The following CCDC149 variants were observed in gnomAD, a reference collection of about 807,000 sequenced individuals.
The protein encoded by CCDC149 is coiled-coil domain containing 149.
Under a neutral mutation model 59.9 loss-of-function variants are expected in CCDC149, and 45 were observed. The ratio of observed to expected loss-of-function variants is 0.75; its 90% CI spans 0.59 to 0.96. CCDC149 has a LOEUF of 0.96. CCDC149 is among the 40% of genes least tolerant of loss of function. CCDC149 has a pLI of 0.00. For synonymous variants in CCDC149, 245 were observed against 260.6 expected, an observed-to-expected ratio of 0.94 and a Z score of 0.58; for missense variants, 584 against 664.7, an observed-to-expected ratio of 0.88 and a Z score of 1.33.
At chr4:24,910,931 T>G (rs1721835587) in intron 1 of CCDC149, among the ~76,000 whole-genome samples, 1 of 152,172 alleles carries the variant, frequency 6.6e-6, no homozygotes, top group Admixed American at 6.5e-5. Flanking sequence ...TAGTTATTAT[T>G]AAGGTGGGAA....
chr4:24,898,054 A>C (rs1172121751), intron 1 of CCDC149, among the ~76,000 whole-genome samples: 2 of 152,214 alleles, frequency 1.3e-5, no homozygotes, highest in Non-Finnish European at 2.9e-5. Context: ...ATGGCAGAGC[A>C]AGCAGGCACA....
chr4:24,952,434 A>T (rs1723318537), intron 1 of CCDC149, among the ~76,000 whole-genome samples: 1 of 151,298 alleles, frequency 6.6e-6, no homozygotes, highest in Non-Finnish European at 1.5e-5. Flanking sequence ...TCTACTAAAA[A>T]TACAACAATT....
At chr4:24,926,880 G>A (rs981662694) in intron 1 of CCDC149, among the ~76,000 whole-genome samples, 12 of 152,136 alleles carry the variant, frequency 7.9e-5, no homozygotes, top group African/African-American at 2.2e-4. Context: ...GCACCTACAC[G>A]GGGCCACTCC....
intron 1 of CCDC149, among the ~76,000 whole-genome samples, chr4:24,902,253 A>G (rs1483505203): frequency 6.6e-6 from 1 of 152,188 alleles, no homozygotes; most frequent in Non-Finnish European, 1.5e-5. Flanking sequence ...TAGTTTTTAT[A>G]TCATCACGGC....
At chr4:24,952,618 A>G (rs1482551481) in intron 1 of CCDC149, among the ~76,000 whole-genome samples, 1 of 40,618 alleles carries the variant, frequency 2.5e-5, no homozygotes, top group African/African-American at 1.0e-4. Flanking sequence ...AAAAAAAAAA[A>G]AAAAAAAAAT....
intron 1 of CCDC149, among the ~76,000 whole-genome samples, chr4:24,937,267 G>A (rs1669306769): frequency 6.6e-6 from 1 of 152,210 alleles, no homozygotes; most frequent in Non-Finnish European, 1.5e-5. Context: ...TCCTTTTGTA[G>A]CATAAATAGT....
At chr4:24,813,490 A>ATATATCTATATCTATATC (rs1491293785) in intron 12 of CCDC149, among the ~76,000 whole-genome samples, 1 of 1,934 alleles carries the variant, frequency 5.2e-4, no homozygotes, top group African/African-American at 5.8e-4. Context: ...AGCTTGGGGA[A>ATATATCTATATCTATATC]TATATATATA....
chr4:24,886,360 T>C (rs1720177392), intron 1 of CCDC149, among the ~76,000 whole-genome samples: 1 of 152,208 alleles, frequency 6.6e-6, no homozygotes, highest in South Asian at 2.1e-4. Flanking sequence ...TGAACTGGAC[T>C]CTGTGACATT....
upstream of CCDC149, among the ~76,000 whole-genome samples, chr4:24,913,580 TA>T (rs1722025199): frequency 6.6e-6 from 1 of 152,240 alleles, no homozygotes; most frequent in African/African-American, 2.4e-5. Flanking sequence ...AATAAAGCAT[TA>T]TTCAATTCTA....
At chr4:24,921,398 C>A (rs1722288573) in intron 1 of CCDC149, among the ~76,000 whole-genome samples, 1 of 152,230 alleles carries the variant, frequency 6.6e-6, no homozygotes, top group Non-Finnish European at 1.5e-5. Context: ...ATGTACTTCT[C>A]TCCCCCATTC....
chr4:24,894,470 G>A (rs916917186), intron 1 of CCDC149, among the ~76,000 whole-genome samples: 1 of 152,062 alleles, frequency 6.6e-6, no homozygotes, highest in Admixed American at 6.5e-5. Flanking sequence ...TCTGGGAGAC[G>A]GGTGGAGCTT....
chr4:24,882,483 T>C (rs1228951044), intron 1 of CCDC149, among the ~76,000 whole-genome samples: 1 of 152,176 alleles, frequency 6.6e-6, no homozygotes, highest in Admixed American at 6.5e-5. Flanking sequence ...ATGATATCGT[T>C]GAATTTTGAA....
At chr4:24,847,747 C>G (rs1172594191) in intron 4 of CCDC149, among the ~76,000 whole-genome samples, 1 of 152,194 alleles carries the variant, frequency 6.6e-6, no homozygotes, top group African/African-American at 2.4e-5. Context: ...AAACCTGGGT[C>G]TGACAATCTT....
intron 1 of CCDC149, among the ~76,000 whole-genome samples, chr4:24,889,382 A>G (rs1445421590): frequency 6.6e-6 from 1 of 152,198 alleles, no homozygotes; most frequent in Non-Finnish European, 1.5e-5. Context: ...TGGCTTACCT[A>G]GAGTGAATTT....
At chr4:24,944,642 C>A (rs549611853) in intron 1 of CCDC149, among the ~76,000 whole-genome samples, 10 of 151,924 alleles carry the variant, frequency 6.6e-5, no homozygotes, top group African/African-American at 2.4e-4. Context: ...ATACCTAATG[C>A]ATGCAGAGCT....
chr4:24,842,614 G>T (rs2109155437), intron 4 of CCDC149, among the ~76,000 whole-genome samples: 1 of 152,322 alleles, frequency 6.6e-6, no homozygotes, highest in Admixed American at 6.5e-5. Flanking sequence ...TTATGGGTGT[G>T]AGTCGTCAGC....
intron 1 of CCDC149, among the ~76,000 whole-genome samples, chr4:24,900,275 T>C (rs927186943): frequency 6.6e-6 from 1 of 152,308 alleles, no homozygotes; most frequent in Admixed American, 6.5e-5. Context: ...CCTGTCCCAC[T>C]GACATATGAG....
intron 1 of CCDC149, among the ~76,000 whole-genome samples, chr4:24,931,310 A>AAAAAAAATATATATATATATATATATAT (rs1553862434): frequency 6.5e-5 from 9 of 138,264 alleles, no homozygotes; most frequent in African/African-American, 2.3e-4. Flanking sequence ...TTTATTTTAA[A>AAAAAAAATATATATATATATATATATAT]ATATATATAT....
chr4:24,940,010 G>C (rs1439864759), intron 1 of CCDC149, among the ~76,000 whole-genome samples: 5 of 152,176 alleles, frequency 3.3e-5, no homozygotes, highest in African/African-American at 1.2e-4. Context: ...ATCCAGCAAG[G>C]CAGGCCAACA....
Sources: gnomAD v4.1 joint callset for allele counts (sites outside exome capture counted in the v4.1 genomes callset) on GRCh38, gnomAD v4.1.1 for gene constraint, MANE v1.5 for transcripts, NCBI Gene and HGNC (gene_info 2026-07-23, HGNC 2026-07-21) for gene names.